Variants in CACNA1I observed in about 807,000 individuals in gnomAD.
CACNA1I encodes calcium voltage-gated channel subunit alpha1 I, also known as voltage-dependent T-type calcium channel subunit alpha-1I.
Under a neutral mutation model 201.6 loss-of-function variants are expected in CACNA1I, and 74 were observed. The observed-to-expected ratio is 0.37, with a 90% CI of 0.30 to 0.45. The LOEUF is 0.45. Among genes scored for constraint, CACNA1I ranks in the 20% least tolerant of loss-of-function variants. CACNA1I has a pLI of 1.00. For missense variants in CACNA1I, 2,346 were observed against 3,138.1 expected (o/e 0.75, Z 6.03); for synonymous variants, 1,431 against 1,345.2 (o/e 1.06, Z -1.40).
intron 3 of CACNA1I, among the ~76,000 whole-genome samples, chr22:39,617,286 C>T (rs1239462867): frequency 6.6e-6 from 1 of 152,180 alleles, no homozygotes; most frequent in Non-Finnish European, 1.5e-5. Flanking sequence ...GCCCTCTGGG[C>T]TCTGGGAAGG....
rs567848087 is a variant in CACNA1I, at chr22:39,677,439, G to A, written c.4933+20G>A. On this transcript the variant is annotated intron_variant, in intron 30 of 36. Transcript: ENST00000402142. This position sits in a 1 kb window ranked among gnomAD's most constrained non-coding sequence, Gnocchi z 4.8. Reference sequence around the variant, plus strand: ...AGCTGGGTGAGTGACTCCCAGAGCAGGCCCGTGGTGGGGGTGCAGCAGGGC... The same window carrying A: ...AGCTGGGTGAGTGACTCCCAGAGCAAGCCCGTGGTGGGGGTGCAGCAGGGC... The A allele has an allele frequency of 1.5e-4, 224 of 1,510,130 alleles. No individual in the cohort carries two copies. Among genetic ancestry groups the A allele is most frequent in the Non-Finnish European group, 1.9e-4 (212 of 1,122,964 alleles). The allele number at this position is 1,510,130 out of a possible 1,614,324, so 93.5% of individuals were successfully genotyped here.
chr22:39,684,552 C>T lies in CACNA1I; in HGVS notation c.6027+54C>T. On this transcript the variant is annotated intron_variant, in intron 36 of 36. Coordinates refer to ENST00000402142, the MANE Select transcript of CACNA1I (RefSeq NM_021096.4). This position sits in a 1 kb window ranked among gnomAD's most constrained non-coding sequence, Gnocchi z 4.6. The stretch of plus-strand genomic sequence containing the variant: ...CTGGTCTGTGGGCAAGGGGCAGGAT[C>T]TAAGCCAGGCCTGGAAGTCCAAGGG... 6.4e-7 allele frequency: 1 copy of T among 1,563,266 alleles called. No homozygotes were observed. Among genetic ancestry groups the T allele is most frequent in the South Asian group, 1.2e-5 (1 of 86,530 alleles).
rs144962892 is a variant in CACNA1I at position 39,681,997 on chromosome 22, T to C, written c.5665-499T>C. Among the ~76,000 whole-genome samples the C allele has an allele frequency of 1.4e-3, 216 of 152,196 alleles. 1 individual carries two copies. The highest frequency in any genetic ancestry group is 4.6e-3 in the African/African-American group (190 of 41,524). ...TTTTGTGCCAGACTCAGCAAGTCAT[T>C]GGAGGTCGGGGTGGCACGAGTTCAT... On this transcript the variant is annotated intron_variant, in intron 34 of 36. Coordinates refer to ENST00000402142, the MANE Select transcript of CACNA1I (RefSeq NM_021096.4).
At chr22:39,594,606 A>G (rs866885353) in intron 1 of CACNA1I, among the ~76,000 whole-genome samples, 1 of 151,792 alleles carries the variant, frequency 6.6e-6, no homozygotes, top group Admixed American at 6.6e-5. Flanking sequence ...CAGCATCCCA[A>G]AGTGGGCAGG....
At chr22:39,619,790 TG>T (rs927150894) in intron 4 of CACNA1I, among the ~76,000 whole-genome samples, 1 of 152,134 alleles carries the variant, frequency 6.6e-6, no homozygotes, top group Non-Finnish European at 1.5e-5. Flanking sequence ...AGCATTTCAC[TG>T]GGGCAATGAA....
At chr22:39,682,727 T>C (rs937898068) in intron 35 of CACNA1I, 66 bp downstream of exon 35, 7 of 1,426,230 alleles carry the variant, frequency 4.9e-6, no homozygotes, top group Middle Eastern at 1.8e-4. Context: ...CAGAGGGAGA[T>C]GGCTGAGTTT....
chr22:39,588,921 A>G (rs1478423053), intron 1 of CACNA1I, among the ~76,000 whole-genome samples: 1 of 152,164 alleles, frequency 6.6e-6, no homozygotes, highest in Non-Finnish European at 1.5e-5. Flanking sequence ...AGATCCCTCC[A>G]TGCTGTTGTG....
At chr22:39,596,480 A>G (rs1480760188) in intron 1 of CACNA1I, among the ~76,000 whole-genome samples, 205 of 15,074 alleles carry the variant, frequency 0.014, 2 homozygotes, top group South Asian at 0.026. Context: ...GAGATGGGGG[A>G]GCAGGATGGA....
chr22:39,658,261 G>T lies in CACNA1I; in HGVS notation c.2102G>T (p.Arg701Leu). ...GCATTTGGGCTCTTCGACTACCTGCGTAACCCCTACAACATCTTCGACAGC... is the reference window on the plus strand; with the variant it reads ...GCATTTGGGCTCTTCGACTACCTGCTTAACCCCTACAACATCTTCGACAGC... ...LAAFGLFDYLRNPYNIFDSII... is the reference protein window; with the variant it reads ...LAAFGLFDYLLNPYNIFDSII... The change falls in exon 11 of 37, where the codon CGT becomes CTT. Residue 701 changes from arginine to leucine, a missense_variant. Arg to Leu is a moderately radical substitution (Grantham distance 102). Coordinates refer to ENST00000402142, the MANE Select transcript of CACNA1I (RefSeq NM_021096.4). 6.2e-7 allele frequency: 1 copy of T among 1,613,884 alleles called. No individual in the cohort carries two copies. Among genetic ancestry groups the T allele is most frequent in the Non-Finnish European group, 8.5e-7 (1 of 1,179,862 alleles).
rs879392166 is a variant in CACNA1I, at chr22:39,646,869, C to T, written c.1450C>T (p.Pro484Ser). The change falls in exon 8 of 37, where the codon CCC becomes TCC. Residue 484 changes from proline (P) to serine (S), a missense_variant. Physicochemically the swap from Pro to Ser is moderately conservative, Grantham distance 74. Coordinates refer to ENST00000402142, the MANE Select transcript of CACNA1I (RefSeq NM_021096.4). ...PAKPGPHAKEPRHYHGKTKGQ... is the reference protein window; with the variant it reads ...PAKPGPHAKESRHYHGKTKGQ... ...CAAACCTGGGCCCCACGCCAAGGAG[C>T]CCCGGCACTACCGTAAGTGGCCCTG... The T allele has an allele frequency of 4.7e-6, 7 of 1,504,986 alleles. No homozygotes were observed. Among genetic ancestry groups the T allele is most frequent in the Non-Finnish European group, 6.2e-6 (7 of 1,129,732 alleles). The allele number at this position is 1,504,986 out of a possible 1,614,324, so 93.2% of individuals were successfully genotyped here.
intron 4 of CACNA1I, among the ~76,000 whole-genome samples, chr22:39,628,952 A>G (rs1933974218): frequency 6.6e-6 from 1 of 152,114 alleles, no homozygotes; most frequent in South Asian, 2.1e-4. Context: ...CCCTCTGCCA[A>G]GAACACCCCA....
At chr22:39,654,138 A>T (rs1048083459) in intron 10 of CACNA1I, among the ~76,000 whole-genome samples, 1 of 152,210 alleles carries the variant, frequency 6.6e-6, no homozygotes, top group East Asian at 1.9e-4. Flanking sequence ...CAGATGGGGA[A>T]ACTGAGGCTC....
intron 34 of CACNA1I, among the ~76,000 whole-genome samples, chr22:39,682,266 G>A (rs543948853): frequency 1.3e-5 from 2 of 152,358 alleles, no homozygotes; most frequent in South Asian, 4.1e-4. Context: ...CTGGGCCAGG[G>A]TCTGTACCAG....
At chr22:39,576,465 C>A (rs1569043576) in intron 1 of CACNA1I, among the ~76,000 whole-genome samples, 1 of 152,232 alleles carries the variant, frequency 6.6e-6, no homozygotes, top group East Asian at 1.9e-4. Context: ...CCAGTCCTGG[C>A]TTTTATTCAG....
intron 1 of CACNA1I, among the ~76,000 whole-genome samples, chr22:39,590,292 C>T (rs552665012): frequency 3.6e-4 from 55 of 152,344 alleles, no homozygotes; most frequent in African/African-American, 1.3e-3. Flanking sequence ...GGGTTTTGAT[C>T]CTCCTGGCTG....
chr22:39,672,311 G>C lies in CACNA1I; in HGVS notation c.4649+3G>C, dbSNP rs1251348407. 6.3e-7 allele frequency: 1 copy of C among 1,593,394 alleles called. No homozygotes were observed. The highest frequency in any genetic ancestry group is 8.6e-7 in the Non-Finnish European group (1 of 1,161,700). On this transcript the variant is annotated splice_donor_region_variant and intron_variant, in intron 27 of 36. Coordinates refer to ENST00000402142, the MANE Select transcript of CACNA1I (RefSeq NM_021096.4). ...CTGAGGCGCTTCTTCAAGGACCGGT[G>C]AGTGGCCAGGCTGGATTAGGGCAGT...
intron 3 of CACNA1I, among the ~76,000 whole-genome samples, chr22:39,618,494 C>A (rs928883969): frequency 6.6e-6 from 1 of 151,780 alleles, no homozygotes; most frequent in African/African-American, 2.4e-5. Flanking sequence ...TGCGCTCCAG[C>A]GGGTGGGGGA....
rs1345369694 is a variant in CACNA1I, at chr22:39,641,208, G to T, written c.1056+26G>T. On this transcript the variant is annotated intron_variant, in intron 6 of 36. Transcript: ENST00000402142. Reference sequence around the variant, plus strand: ...GTGAGGCCATTCAGGCCTGGGGCCAGCCTGGTCCTAGAGTGGGCAGCTCTG... The same window carrying T: ...GTGAGGCCATTCAGGCCTGGGGCCATCCTGGTCCTAGAGTGGGCAGCTCTG... 4 of 1,596,098 alleles carry T rather than the reference G, an allele frequency of 2.5e-6. No individual in the cohort carries two copies. The African/African-American group carries it at 5.4e-5, about 21-fold the overall frequency.
Position 39,677,986 on chromosome 22 carries a change from G to A in CACNA1I, c.4934-1G>A. ...AGGGCTGACCTCCTCCCCGCTTCCA[G>A]TCTGCAACGACGAGAACCCGTGCGA... On this transcript the variant is annotated splice_acceptor_variant, in intron 30 of 36. Coordinates refer to ENST00000402142, the MANE Select transcript of CACNA1I (RefSeq NM_021096.4). LOFTEE classifies it high-confidence loss of function. The surrounding 1 kb of genome is among the most constrained non-coding windows in gnomAD (Gnocchi z 4.8). 6.3e-7 allele frequency: 1 copy of A among 1,587,212 alleles called. No homozygotes were observed. Among genetic ancestry groups the A allele is most frequent in the Admixed American group, 1.8e-5 (1 of 56,414 alleles).
Sources: gnomAD v4.1 joint callset for allele counts (sites outside exome capture counted in the v4.1 genomes callset) on GRCh38, gnomAD v4.1.1 for gene constraint, Gnocchi (gnomAD v3.1) non-coding constraint, MANE v1.5 for transcripts, NCBI Gene and HGNC (gene_info 2026-07-23, HGNC 2026-07-21) for gene names.